The following INVS variants were observed in gnomAD, a reference collection of about 807,000 sequenced individuals.
INVS encodes the protein inversion of embryo turning homolog.
INVS carries 86 observed loss-of-function variants against 108.8 expected under a neutral mutation model. The ratio of observed to expected loss-of-function variants is 0.79; its 90% confidence interval spans 0.66 to 0.95. The LOEUF is 0.95. Among genes scored for constraint, INVS ranks in the 40% least tolerant of loss-of-function variants. The pLI, the probability that INVS is intolerant of heterozygous loss-of-function variation, is 0.00. For synonymous variants in INVS, 455 were observed against 473.5 expected (o/e 0.96, Z 0.51); for missense variants, 1,169 against 1,297.4 (o/e 0.90, Z 1.52).
intron 3 of INVS, among the ~76,000 whole-genome samples, chr9:100,160,500 A>G (rs1375338522): frequency 6.6e-6 from 1 of 152,198 alleles, no homozygotes; most frequent in African/African-American, 2.4e-5. Flanking sequence ...TTATTAGTCA[A>G]TAGAGTCCCT....
chr9:100,220,018 C>A (rs1488903264), intron 3 of INVS, among the ~76,000 whole-genome samples: 2 of 151,990 alleles, frequency 1.3e-5, no homozygotes, highest in Non-Finnish European at 2.9e-5. Context: ...GAAGTATTAA[C>A]TTTATCTGTT....
At chr9:100,145,273 G>T (rs1271097324) in intron 3 of INVS, among the ~76,000 whole-genome samples, 1 of 151,880 alleles carries the variant, frequency 6.6e-6, no homozygotes, top group African/African-American at 2.4e-5. Flanking sequence ...CAGGAAAGGG[G>T]TCGGGGCATG....
chr9:100,196,351 C>T (rs1165898847), intron 3 of INVS, among the ~76,000 whole-genome samples: 2 of 152,080 alleles, frequency 1.3e-5, no homozygotes, highest in Admixed American at 6.6e-5. Flanking sequence ...TGGCATTTTT[C>T]GTCTGGTGGG....
intron 3 of INVS, among the ~76,000 whole-genome samples, chr9:100,197,632 A>G (rs1019907449): frequency 4.6e-5 from 7 of 152,168 alleles, no homozygotes; most frequent in African/African-American, 1.7e-4. Flanking sequence ...GATAGGCATG[A>G]TTAACAACCA....
intron 13 of INVS, among the ~76,000 whole-genome samples, chr9:100,290,774 C>T (rs1833587847): frequency 6.6e-6 from 1 of 151,188 alleles, no homozygotes; most frequent in African/African-American, 2.4e-5. Flanking sequence ...AGTGCAGTGG[C>T]ACAAACAGCT....
At chr9:100,211,041 C>A (rs934762360) in intron 3 of INVS, among the ~76,000 whole-genome samples, 3 of 151,944 alleles carry the variant, frequency 2.0e-5, no homozygotes, top group Non-Finnish European at 4.4e-5. Flanking sequence ...GATTCTTGGC[C>A]CCTACACCAG....
At chr9:100,116,135 A>T in intron 2 of INVS, among the ~76,000 whole-genome samples, 1 of 140,790 alleles carries the variant, frequency 7.1e-6, no homozygotes. Flanking sequence ...ACAGGGTCAT[A>T]CTCTGTCACC....
At chr9:100,206,600 T>C (rs559672424) in intron 3 of INVS, among the ~76,000 whole-genome samples, 15 of 152,234 alleles carry the variant, frequency 9.9e-5, no homozygotes, top group African/African-American at 3.6e-4. Context: ...TTTCAGTGCA[T>C]AGTTTCTAAA....
intron 3 of INVS, chr9:100,214,950 T>G (rs770688036): frequency 6.6e-6 from 1 of 152,290 alleles, no homozygotes; most frequent in Non-Finnish European, 1.5e-5. Context: ...CTTTCCTTCT[T>G]TGGCCACATA....
rs1002837979 is a variant in INVS at position 100,284,501 on chromosome 9, A to G, written c.1966A>G (p.Arg656Gly). Residue 656 changes from arginine to glycine, a missense_variant, in exon 13 of 17, where the codon AGA becomes GGA. By Grantham distance (125) the Arg-to-Gly change is moderately radical (BLOSUM62 -2). Transcript: ENST00000262457. ...AGNVAQGPEPRDSRGSPGGSL... is the reference protein window; with the variant it reads ...AGNVAQGPEPGDSRGSPGGSL... ...CAACGTGGCCCAAGGCCCTGAGCCA[A>G]GAGACAGCAGAGGATCTCCAGGAGG... The G allele has an allele frequency of 1.2e-6, 2 of 1,614,136 alleles. No homozygotes were observed. Among genetic ancestry groups the G allele is most frequent in the Non-Finnish European group, 8.5e-7 (1 of 1,179,992 alleles).
intron 16 of INVS, among the ~76,000 whole-genome samples, chr9:100,300,275 C>T (rs1833924095): frequency 6.6e-6 from 1 of 152,020 alleles, no homozygotes; most frequent in Non-Finnish European, 1.5e-5. Flanking sequence ...TGTGAGAGAC[C>T]CAGAGAGAGA....
At position 100,100,656 on chromosome 9, in the gene INVS, T is replaced by TAACATATAATATACATATAATATATAC. The variant is rs1564111263; in HGVS notation, c.-25+1241_-25+1242insACATATAATATACATATAATATATACA. Among the ~76,000 whole-genome samples the TAACATATAATATACATATAATATATAC allele has an allele frequency of 2.0e-4, 7 of 34,528 alleles. 1 individual carries two copies. The highest frequency in any genetic ancestry group is 1.1e-3 in the African/African-American group (6 of 5,588). The allele number at this position is 34,528 out of a possible 152,430, so 22.7% of individuals were successfully genotyped here. ...ATATATATTATATATGTATATATAATATATATATTATATATGTACATATAA... is the reference window on the plus strand; with the variant it reads ...ATATATATTATATATGTATATATAATAACATATAATATACATATAATATATACATATATATTATATATGTACATATAA... On this transcript the variant is annotated intron_variant, in intron 1 of 16. Coordinates refer to ENST00000262457, the MANE Select transcript of INVS (RefSeq NM_014425.5).
At position 100,252,257 on chromosome 9, in the gene INVS, A is replaced by G. The variant is rs201219699; in HGVS notation, c.1079-26A>G. 56 of 1,613,178 alleles carry G rather than the reference A, an allele frequency of 3.5e-5. No individual in the cohort carries two copies. In the African/African-American group the frequency reaches 6.0e-4, roughly 17 times the overall value. On this transcript the variant is annotated intron_variant, in intron 8 of 16. Coordinates refer to ENST00000262457, the MANE Select transcript of INVS (RefSeq NM_014425.5). ...AGGTGAAGTTGTTATTGACTAGTTC[A>G]TCACTTTCTGTTGGTTCCCTTTTAG... is the stretch of plus-strand genomic sequence containing the variant.
intron 3 of INVS, among the ~76,000 whole-genome samples, chr9:100,138,285 A>T (rs1057344480): frequency 1.1e-4 from 17 of 152,208 alleles, no homozygotes; most frequent in African/African-American, 3.6e-4. Flanking sequence ...ACGTGCCTAT[A>T]ATCCCAGCTA....
chr9:100,198,264 A>AGTTTT (rs1830435951), intron 3 of INVS, among the ~76,000 whole-genome samples: 1 of 65,216 alleles, frequency 1.5e-5, no homozygotes, highest in South Asian at 6.1e-4. Flanking sequence ...GAGGGCTAGA[A>AGTTTT]TTTTTTTTTT....
At chr9:100,099,837 G>A (rs1048451749) in intron 1 of INVS, among the ~76,000 whole-genome samples, 8 of 152,132 alleles carry the variant, frequency 5.3e-5, no homozygotes, top group Non-Finnish European at 8.8e-5. Flanking sequence ...ACTCAGTGAG[G>A]TCCAGGAGCC....
At chr9:100,149,220 T>A (rs1308464943) in intron 3 of INVS, among the ~76,000 whole-genome samples, 1 of 152,220 alleles carries the variant, frequency 6.6e-6, no homozygotes, top group Non-Finnish European at 1.5e-5. Flanking sequence ...CGAATGGGTA[T>A]CTGAAGAGTA....
chr9:100,256,422 C>T (rs536137496), intron 10 of INVS, among the ~76,000 whole-genome samples: 2 of 152,132 alleles, frequency 1.3e-5, no homozygotes, highest in Admixed American at 6.5e-5. Context: ...TCCTTCAGTT[C>T]TGCTGTGATC....
At chr9:100,125,358 C>T (rs947392331) in intron 2 of INVS, among the ~76,000 whole-genome samples, 7 of 152,162 alleles carry the variant, frequency 4.6e-5, no homozygotes, top group African/African-American at 1.2e-4. Flanking sequence ...GCAGAGTTAC[C>T]TGCCTCCCAG....
Sources: gnomAD v4.1 joint callset for allele counts (sites outside exome capture counted in the v4.1 genomes callset) on GRCh38, gnomAD v4.1.1 for gene constraint, MANE v1.5 for transcripts, NCBI Gene and HGNC (gene_info 2026-07-23, HGNC 2026-07-21) for gene names.